Variants in ZNF131 observed in about 807,000 individuals in gnomAD.
The protein encoded by ZNF131 is zinc finger protein 131.
ZNF131 carries 7 observed loss-of-function variants against 60.0 expected under a neutral mutation model. The ratio of observed to expected loss-of-function variants is 0.12; its 90% CI spans 0.07 to 0.22. ZNF131 has a LOEUF of 0.22. Ranked by LOEUF, ZNF131 falls within the 10% of genes least tolerant of loss-of-function variation. ZNF131 has a pLI of 1.00. For synonymous variants in ZNF131, 257 were observed against 253.2 expected (o/e 1.01, Z -0.14); for missense variants, 493 against 740.9 (o/e 0.67, Z 3.88).
At chr5:43,130,973 C>G (rs1361332394) in intron 3 of ZNF131, among the ~76,000 whole-genome samples, 1 of 152,122 alleles carries the variant, frequency 6.6e-6, no homozygotes, top group Non-Finnish European at 1.5e-5. Flanking sequence ...AGGTGATTCT[C>G]CTGCCTCAGC....
In ZNF131 at chr5:43,143,126, G is replaced by A. The variant is rs561958457; in HGVS notation, c.371+3817G>A. 1.5e-4 allele frequency among the ~76,000 whole-genome samples: 22 copies of A among 151,010 alleles called. No homozygotes were observed. In the South Asian group the frequency reaches 2.1e-3, roughly 14 times the overall value. ...CAACCTCTGCTTCCCGGGTTCAAGC[G>A]ATTCCTTTGCCTCAATCTCCCGAGT... On this transcript the variant is annotated intron_variant, in intron 4 of 6. Coordinates refer to ENST00000682664, the MANE Select transcript of ZNF131 (RefSeq NM_001330707.2).
At chr5:43,167,917 T>C in intron 5 of ZNF131, 1 of 445,632 alleles carries the variant, frequency 2.2e-6, no homozygotes, top group Non-Finnish European at 4.5e-6. Context: ...GAAAAGGAAT[T>C]TATTTCTTAC....
intron 3 of ZNF131, among the ~76,000 whole-genome samples, chr5:43,130,704 A>ACAGG (rs1257998310): frequency 6.6e-6 from 1 of 151,680 alleles, no homozygotes; most frequent in African/African-American, 2.4e-5. Context: ...AGCTGGGATT[A>ACAGG]CAGGCATGCA....
chr5:43,160,896 G>A (rs1388866109), intron 4 of ZNF131, among the ~76,000 whole-genome samples: 1 of 152,090 alleles, frequency 6.6e-6, no homozygotes, highest in East Asian at 1.9e-4. Context: ...AGTCAGGCTG[G>A]TCTCAAACTC....
At chr5:43,135,438 C>G (rs1745952270) in intron 3 of ZNF131, among the ~76,000 whole-genome samples, 1 of 152,074 alleles carries the variant, frequency 6.6e-6, no homozygotes, top group African/African-American at 2.4e-5. Flanking sequence ...ACATGCAATA[C>G]TGAGAACCAT....
intron 4 of ZNF131, among the ~76,000 whole-genome samples, chr5:43,140,533 C>CTG (rs1272713799): frequency 1.3e-5 from 2 of 152,182 alleles, no homozygotes; most frequent in Non-Finnish European, 2.9e-5. Context: ...TCTGAGTACT[C>CTG]TAAGTATGAA....
chr5:43,142,333 C>A (rs1311364086), intron 4 of ZNF131, among the ~76,000 whole-genome samples: 3 of 146,886 alleles, frequency 2.0e-5, no homozygotes, highest in African/African-American at 7.4e-5. Context: ...CAGAGCAAGA[C>A]TCCATCGCCC....
chr5:43,173,137 A>AT (rs1373710365), intron 5 of ZNF131, 181 bp from the exon 6 acceptor site: 11 of 538,158 alleles, frequency 2.0e-5, no homozygotes, highest in African/African-American at 5.6e-5. Flanking sequence ...AAATTTTATT[A>AT]TTTTTGCTAC....
intron 4 of ZNF131, among the ~76,000 whole-genome samples, chr5:43,146,213 T>A (rs2111624060): frequency 6.6e-6 from 1 of 152,342 alleles, no homozygotes; most frequent in South Asian, 2.1e-4. Flanking sequence ...ATTTTTGGAA[T>A]GTAGTGTAAA....
chr5:43,176,188 G>A lies in ZNF131; in HGVS notation c.*1055G>A, dbSNP rs1751552025. The A allele has an allele frequency of 6.8e-6, 1 of 146,692 alleles. No homozygotes were observed. The highest frequency in any genetic ancestry group is 2.4e-5 in the African/African-American group (1 of 41,120). The allele number at this position is 146,692 out of a possible 1,614,324, so 9.1% of individuals were successfully genotyped here. A position where few individuals can be genotyped will look rare whatever the true frequency, so the allele number is the denominator to read the frequency against. ...AGAGTGCTAAACTGTGGACTTAAAA[G>A]TAGGTGTGTAAATATTTTTAATCAG... On this transcript the variant is annotated 3_prime_UTR_variant, in exon 7 of 7. Coordinates refer to ENST00000682664, the MANE Select transcript of ZNF131 (RefSeq NM_001330707.2).
At chr5:43,127,197 G>A (rs952775154) in intron 3 of ZNF131, among the ~76,000 whole-genome samples, 1 of 152,080 alleles carries the variant, frequency 6.6e-6, no homozygotes, top group Non-Finnish European at 1.5e-5. Context: ...TCCCCCACTC[G>A]TAAAATATAA....
intron 3 of ZNF131, among the ~76,000 whole-genome samples, chr5:43,133,012 T>C (rs1455756352): frequency 6.6e-6 from 1 of 152,328 alleles, no homozygotes; most frequent in African/African-American, 2.4e-5. Flanking sequence ...ATGTTAAATG[T>C]AGGTTTTCTT....
intron 4 of ZNF131, among the ~76,000 whole-genome samples, chr5:43,158,793 C>T (rs775668974): frequency 5.9e-5 from 9 of 151,974 alleles, no homozygotes; most frequent in Non-Finnish European, 1.3e-4. Context: ...TGTGGACTTC[C>T]CTCAAATCCG....
chr5:43,130,605 C>T (rs1395170204), intron 3 of ZNF131, among the ~76,000 whole-genome samples: 1 of 152,054 alleles, frequency 6.6e-6, no homozygotes, highest in East Asian at 1.9e-4. Flanking sequence ...GCTCTTGTTG[C>T]CCAGGCTGGA....
intron 4 of ZNF131, among the ~76,000 whole-genome samples, chr5:43,147,272 A>G (rs1159104456): frequency 6.6e-6 from 1 of 152,036 alleles, no homozygotes; most frequent in Non-Finnish European, 1.5e-5. Flanking sequence ...GCTACTGTAT[A>G]CAAATCTTTG....
chr5:43,136,328 G>C (rs1391719187), intron 3 of ZNF131, among the ~76,000 whole-genome samples: 1 of 152,038 alleles, frequency 6.6e-6, no homozygotes, highest in Non-Finnish European at 1.5e-5. Context: ...GTGGGCTACA[G>C]ATTCAATACA....
chr5:43,154,642 C>G (rs1390385515), intron 4 of ZNF131, among the ~76,000 whole-genome samples: 2 of 152,220 alleles, frequency 1.3e-5, no homozygotes, highest in African/African-American at 4.8e-5. Context: ...CTAATTTGTG[C>G]CCAGTCTCTG....
In ZNF131 at chr5:43,151,003, T is replaced by C. The variant is rs77305962; in HGVS notation, c.372-10246T>C. ...GTGACTTTCTTTTTCGGTTTCTGTA[T>C]TGACTTTTCCACTTAGCCCTGGGCA... On this transcript the variant is annotated intron_variant, in intron 4 of 6. Coordinates refer to ENST00000682664, the MANE Select transcript of ZNF131 (RefSeq NM_001330707.2). Among the ~76,000 whole-genome samples the C allele has an allele frequency of 8.6e-3, 1,309 of 152,322 alleles. 14 individuals are homozygous for C. Among genetic ancestry groups the C allele is most frequent in the Middle Eastern group, 0.027 (8 of 294 alleles).
At chr5:43,136,039 C>T (rs1190926407) in intron 3 of ZNF131, among the ~76,000 whole-genome samples, 2 of 152,182 alleles carry the variant, frequency 1.3e-5, no homozygotes, top group Non-Finnish European at 1.5e-5. Flanking sequence ...CGCTTGAACC[C>T]GGGAGGTGGT....
Sources: gnomAD v4.1 joint callset for allele counts (sites outside exome capture counted in the v4.1 genomes callset) on GRCh38, gnomAD v4.1.1 for gene constraint, MANE v1.5 for transcripts, NCBI Gene and HGNC (gene_info 2026-07-23, HGNC 2026-07-21) for gene names.